CYP46A1: variants seen among roughly 807,000 people sequenced by gnomAD.
The protein encoded by CYP46A1 is cytochrome P450 family 46 subfamily A member 1, also known as cholesterol 24-hydroxylase.
Under a neutral mutation model 63.3 loss-of-function variants are expected in CYP46A1, and 20 were observed. The ratio of observed to expected loss-of-function variants is 0.32; its 90% confidence interval spans 0.22 to 0.46. CYP46A1 has a LOEUF of 0.46. Among genes scored for constraint, CYP46A1 ranks in the 20% least tolerant of loss-of-function variants. The probability of loss-of-function intolerance (pLI) is 1.00; values close to 1 mark genes in which losing one functional copy is unlikely to be tolerated. For missense variants in CYP46A1, 445 were observed against 670.8 expected, an observed-to-expected ratio of 0.66 and a Z score of 3.72; for synonymous variants, 268 against 273.6, an observed-to-expected ratio of 0.98 and a Z score of 0.20.
At chr14:99,707,328 G>A (rs1421100716) in intron 6 of CYP46A1, among the ~76,000 whole-genome samples, 2 of 152,174 alleles carry the variant, frequency 1.3e-5, no homozygotes, top group African/African-American at 2.4e-5. Flanking sequence ...GCATTTCAGG[G>A]GAAATGCATC....
intron 1 of CYP46A1, among the ~76,000 whole-genome samples, chr14:99,685,098 A>G (rs28406736): frequency 0.011 from 57 of 5,380 alleles, 4 homozygotes; most frequent in Non-Finnish European, 0.012. Context: ...ACCCCCCCCC[A>G]CCCCCAGCTT....
rs761826761 is a variant in CYP46A1, at chr14:99,691,796, C to T, written c.217C>T (p.Pro73Ser). Residue 73 changes from proline (P) to serine (S), a missense_variant, in exon 3 of 15, where the codon CCT becomes TCT. By Grantham distance (74) the Pro-to-Ser change is moderately conservative (BLOSUM62 -1). Coordinates refer to ENST00000261835, the MANE Select transcript of CYP46A1 (RefSeq NM_006668.2). ...GGTTTCCAGGGCTAAGAAGTATGGA[C>T]CTGTTGTGCGGGTCAACGTCTTCCA... is the stretch of plus-strand genomic sequence containing the variant. The part of the protein sequence containing the change: ...VFLDWAKKYG[P>S]VVRVNVFHKT... The T allele has an allele frequency of 1.2e-6, 2 of 1,614,034 alleles. No individual in the cohort carries two copies. Among genetic ancestry groups the T allele is most frequent in the African/African-American group, 2.7e-5 (2 of 74,904 alleles).
intron 1 of CYP46A1, among the ~76,000 whole-genome samples, chr14:99,687,010 G>A (rs754415504): frequency 1.3e-5 from 2 of 152,336 alleles, no homozygotes; most frequent in Admixed American, 6.5e-5. Flanking sequence ...TGAGTCTCCA[G>A]TAGTAGCATT....
intron 7 of CYP46A1, among the ~76,000 whole-genome samples, chr14:99,713,874 A>C (rs986905444): frequency 2.1e-3 from 306 of 149,144 alleles, no homozygotes; most frequent in South Asian, 0.012. Context: ...TCAAAAAAAA[A>C]AAAAAAAAAA....
chr14:99,715,706 T>C, intron 7 of CYP46A1, 104 bp from the exon 8 acceptor site: 1 of 1,486,060 alleles, frequency 6.7e-7, no homozygotes, highest in East Asian at 2.3e-5. Context: ...TCTACTGACC[T>C]CCCAGCTTGC....
chr14:99,695,764 G>T (rs1358592186), intron 3 of CYP46A1, among the ~76,000 whole-genome samples: 3 of 151,876 alleles, frequency 2.0e-5, no homozygotes, highest in Non-Finnish European at 4.4e-5. Context: ...CCAAGTAGCT[G>T]GGACTACAGG....
chr14:99,709,686 T>C (rs1357993081), intron 7 of CYP46A1: 1 of 152,116 alleles, frequency 6.6e-6, no homozygotes, highest in Non-Finnish European at 1.5e-5. Flanking sequence ...ACAGGAAATA[T>C]AGAGATCCAG....
Position 99,726,709 on chromosome 14 carries a change from CCCA to C in CYP46A1, c.1491_1493del (p.Pro499del), listed in dbSNP as rs1566838796. The C allele has an allele frequency of 2.0e-6, 3 of 1,535,456 alleles. No homozygotes were observed. The highest frequency in any genetic ancestry group is 2.4e-5 in the South Asian group (2 of 82,128). ...GGCCCCGCGGCTGGCAGCCCGCACC[CCCA>C]CCACCCCCCTGCTGAGGGGGCCTCC... On this transcript the variant is annotated inframe_deletion, in exon 15 of 15. Coordinates refer to ENST00000261835, the MANE Select transcript of CYP46A1 (RefSeq NM_006668.2).
intron 9 of CYP46A1, 139 bp from the exon 10 acceptor site, chr14:99,717,915 A>G (rs948579815): frequency 9.4e-6 from 6 of 638,464 alleles, no homozygotes; most frequent in Non-Finnish European, 1.6e-5. Flanking sequence ...CGATGGTTCA[A>G]GGAAGGGGCT....
intron 1 of CYP46A1, among the ~76,000 whole-genome samples, chr14:99,690,512 G>T (rs1258032927): frequency 6.6e-6 from 1 of 152,158 alleles, no homozygotes; most frequent in African/African-American, 2.4e-5. Flanking sequence ...AGGAAGTCAT[G>T]GGCCCCTTGG....
chr14:99,691,965 C>T (rs1341736898), intron 3 of CYP46A1, 104 bp downstream of exon 3: 81 of 1,186,292 alleles, frequency 6.8e-5, no homozygotes, highest in Middle Eastern at 4.2e-4. Context: ...CAGAGCCAGG[C>T]GCATTTCGGC....
intron 11 of CYP46A1, 34 bp downstream of exon 11, chr14:99,721,357 T>C (rs776030249): frequency 1.7e-5 from 25 of 1,431,348 alleles, no homozygotes; most frequent in Non-Finnish European, 2.4e-5. Flanking sequence ...TCTGGGCGGA[T>C]GTGGGTGATC....
At chr14:99,694,662 G>A (rs2056572747) in intron 3 of CYP46A1, among the ~76,000 whole-genome samples, 1 of 151,914 alleles carries the variant, frequency 6.6e-6, no homozygotes, top group Admixed American at 6.6e-5. Flanking sequence ...ACTGCACGTG[G>A]CTAAATTTTT....
chr14:99,686,904 G>A (rs1297583072), intron 1 of CYP46A1, among the ~76,000 whole-genome samples: 1 of 152,188 alleles, frequency 6.6e-6, no homozygotes, highest in Non-Finnish European at 1.5e-5. Flanking sequence ...GAAAGTTCTG[G>A]AAACTCTTCT....
At chr14:99,707,534 C>T in intron 6 of CYP46A1, 34 bp from the exon 7 acceptor site, 1 of 1,585,434 alleles carries the variant, frequency 6.3e-7, no homozygotes, top group Non-Finnish European at 8.7e-7. Context: ...CCTTCTGTGC[C>T]CCAGGGATGA....
intron 4 of CYP46A1, among the ~76,000 whole-genome samples, chr14:99,699,752 C>G (rs1010277527): frequency 1.3e-5 from 2 of 152,146 alleles, no homozygotes; most frequent in East Asian, 3.9e-4. Flanking sequence ...AATATAGAGG[C>G]CACTGAGGTT....
chr14:99,725,564 C>A lies in CYP46A1; in HGVS notation c.1265+85C>A. On this transcript the variant is annotated intron_variant, in intron 13 of 14. Transcript: ENST00000261835. The surrounding 1 kb of genome is among the most constrained non-coding windows in gnomAD (Gnocchi z 4.2). The stretch of plus-strand genomic sequence containing the variant: ...GCCTCTGGTCTGAGCCAGAGGCACC[C>A]ACTCAGCCCACATAGCCTTCCAGAT... The A allele has an allele frequency of 1.1e-6, 1 of 940,500 alleles. No individual in the cohort carries two copies. The highest frequency in any genetic ancestry group is 1.7e-6 in the Non-Finnish European group (1 of 580,368). The allele number at this position is 940,500 out of a possible 1,614,324, so 58.3% of individuals were successfully genotyped here. A position where few individuals can be genotyped will look rare whatever the true frequency, so the allele number is the denominator to read the frequency against.
intron 10 of CYP46A1, among the ~76,000 whole-genome samples, chr14:99,719,693 C>T (rs972024206): frequency 8.6e-5 from 13 of 151,422 alleles, no homozygotes; most frequent in Non-Finnish European, 1.5e-4. Context: ...TTGTTTCACT[C>T]GAATAATGTC....
At chr14:99,701,770 C>A (rs932563807) in intron 5 of CYP46A1, among the ~76,000 whole-genome samples, 3 of 152,092 alleles carry the variant, frequency 2.0e-5, no homozygotes, top group Non-Finnish European at 4.4e-5. Context: ...TTTTCATCAC[C>A]CTCAAAAGCA....
Sources: allele counts gnomAD v4.1 joint callset (sites outside exome capture counted in the v4.1 genomes callset), GRCh38; gene constraint gnomAD v4.1.1; non-coding constraint Gnocchi (gnomAD v3.1); transcripts MANE v1.5; gene names NCBI Gene and HGNC (gene_info 2026-07-23, HGNC 2026-07-21).